Variants in CUL4A observed in about 807,000 individuals in gnomAD.
The protein encoded by CUL4A is cullin 4A, also known as cullin-4A.
In CUL4A, 16 loss-of-function variants were observed where a neutral mutation model predicts 95.5. That is an observed-to-expected ratio of 0.17 (90% CI 0.11 to 0.25). CUL4A has a LOEUF of 0.25. Among genes scored for constraint, CUL4A ranks in the 10% least tolerant of loss-of-function variants. The pLI, the probability that CUL4A is intolerant of heterozygous loss-of-function variation, is 1.00. For missense variants in CUL4A, 610 were observed against 937.0 expected (o/e 0.65, Z 4.56); for synonymous variants, 380 against 353.1 (o/e 1.08, Z -0.85).
intron 2 of CUL4A, among the ~76,000 whole-genome samples, chr13:113,212,251 A>G (rs187641358): frequency 7.4e-4 from 112 of 152,318 alleles, no homozygotes; most frequent in Non-Finnish European, 1.3e-3. Context: ...CTAGTCTTCA[A>G]CTTGTCTTTT....
rs770953960 is a variant in CUL4A at position 113,239,414 on chromosome 13, C to T, written c.917-19C>T. ...TGCTGCCCATGCTGTACTCTGCTGA[C>T]GTGTACTGCACATCTCAGGGCTCGA... On this transcript the variant is annotated intron_variant, in intron 9 of 19. Coordinates refer to ENST00000375440, the MANE Select transcript of CUL4A (RefSeq NM_001008895.4). 1.5e-5 allele frequency: 24 copies of T among 1,589,302 alleles called. No homozygotes were observed. Among genetic ancestry groups the T allele is most frequent in the Non-Finnish European group, 2.1e-5 (24 of 1,157,562 alleles).
At chr13:113,220,212 G>A (rs1287690409) in intron 3 of CUL4A, among the ~76,000 whole-genome samples, 1 of 152,232 alleles carries the variant, frequency 6.6e-6, no homozygotes, top group Admixed American at 6.5e-5. Context: ...GTTGAAGCAC[G>A]TGACAGGGAA....
At chr13:113,243,212 C>T in intron 11 of CUL4A, 52 bp downstream of exon 11, 1 of 1,501,580 alleles carries the variant, frequency 6.7e-7, no homozygotes, top group Non-Finnish European at 9.1e-7. Flanking sequence ...CAGTCTCACC[C>T]ATTTCTAGAC....
At chr13:113,213,736 A>T (rs1041443781) in intron 2 of CUL4A, among the ~76,000 whole-genome samples, 4 of 152,210 alleles carry the variant, frequency 2.6e-5, no homozygotes, top group African/African-American at 9.6e-5. Context: ...CCTGAGAACT[A>T]GGAGTGCTTA....
intron 4 of CUL4A, among the ~76,000 whole-genome samples, chr13:113,228,290 G>A (rs954514723): frequency 6.6e-6 from 1 of 152,186 alleles, no homozygotes; most frequent in African/African-American, 2.4e-5. Flanking sequence ...TTAGATGCCT[G>A]CATGGGTCTC....
intron 5 of CUL4A, among the ~76,000 whole-genome samples, chr13:113,232,567 A>G (rs528193420): frequency 1.3e-3 from 200 of 152,338 alleles, no homozygotes; most frequent in Non-Finnish European, 2.4e-3. Context: ...CACAGAGCCC[A>G]CAAGATGGGT....
At chr13:113,245,492 G>A (rs927853586) in intron 14 of CUL4A, among the ~76,000 whole-genome samples, 1 of 152,230 alleles carries the variant, frequency 6.6e-6, no homozygotes, top group African/African-American at 2.4e-5. Context: ...TGAGGCTGCA[G>A]TGAGCCGTGA....
chr13:113,257,003 C>T (rs1444196471), intron 18 of CUL4A, among the ~76,000 whole-genome samples: 3 of 131,288 alleles, frequency 2.3e-5, no homozygotes, highest in Admixed American at 9.1e-5. Context: ...TCGCTCACTG[C>T]AACCTCCGTC....
At chr13:113,226,221 T>C (rs2041099763) in intron 3 of CUL4A, among the ~76,000 whole-genome samples, 1 of 152,234 alleles carries the variant, frequency 6.6e-6, no homozygotes, top group South Asian at 2.1e-4. Context: ...TCCTCCTCTC[T>C]GTGTGTGAGG....
At chr13:113,245,123 G>A (rs772347121) in intron 13 of CUL4A, 29 bp from the exon 14 acceptor site, 13 of 1,613,086 alleles carry the variant, frequency 8.1e-6, no homozygotes, top group Middle Eastern at 1.6e-4. Context: ...GTGTTACCCC[G>A]ATCTCACTCC....
intron 15 of CUL4A, among the ~76,000 whole-genome samples, chr13:113,250,827 T>C (rs2041975793): frequency 6.6e-6 from 1 of 152,098 alleles, no homozygotes; most frequent in Admixed American, 6.6e-5. Flanking sequence ...ACAAATGAAA[T>C]GAAATCGATG....
At position 113,254,766 on chromosome 13, in the gene CUL4A, G is replaced by A; in HGVS notation, c.1826G>A (p.Ser609Asn). 3.7e-6 allele frequency: 6 copies of A among 1,613,856 alleles called. No individual in the cohort carries two copies. Among genetic ancestry groups the A allele is most frequent in the Non-Finnish European group, 5.1e-6 (6 of 1,179,946 alleles). ...LLMFNEGDGF[S>N]FEEIKMATGI... ...ATGTTCAACGAGGGAGATGGCTTCAGCTTTGAGGAGATAAAAATGGCCACG... is the reference window on the plus strand; with the variant it reads ...ATGTTCAACGAGGGAGATGGCTTCAACTTTGAGGAGATAAAAATGGCCACG... Residue 609 changes from serine (S) to asparagine (N), a missense_variant, in exon 17 of 20, where the codon AGC (serine) becomes AAC (asparagine). Coordinates refer to ENST00000375440, the MANE Select transcript of CUL4A (RefSeq NM_001008895.4).
At chr13:113,213,398 G>A (rs995726639) in intron 2 of CUL4A, among the ~76,000 whole-genome samples, 9 of 152,104 alleles carry the variant, frequency 5.9e-5, no homozygotes, top group South Asian at 2.1e-4. Flanking sequence ...TCAGTGCTTC[G>A]AAAACTGTTG....
upstream of CUL4A, among the ~76,000 whole-genome samples, chr13:113,209,250 G>A (rs1337212399): frequency 1.3e-5 from 2 of 148,156 alleles, no homozygotes; most frequent in Non-Finnish European, 3.0e-5. Flanking sequence ...GATCCCCTCA[G>A]GAGGGGTGCC....
intron 9 of CUL4A, 58 bp downstream of exon 9, chr13:113,236,948 A>G: frequency 8.4e-7 from 1 of 1,188,688 alleles, no homozygotes; most frequent in Non-Finnish European, 1.2e-6. Flanking sequence ...GTTCATTAGG[A>G]AAGTAAAGGG....
At position 113,209,645 on chromosome 13, in the gene CUL4A, G is replaced by A; in HGVS notation, c.18G>A (p.Pro6=). Residue 6 remains proline (P), a synonymous_variant, in exon 1 of 20, where the codon CCG becomes CCA. Transcript: ENST00000375440. MADEA[P]RKGSFSALVG... is the part of the protein sequence containing the mutation. ...GCCCAGCCATGGCGGACGAGGCCCCGCGGAAGGGCAGCTTCTCGGCGCTCG... is the reference window on the plus strand; with the variant it reads ...GCCCAGCCATGGCGGACGAGGCCCCACGGAAGGGCAGCTTCTCGGCGCTCG... 1 of 1,107,430 alleles carries A rather than the reference G, an allele frequency of 9.0e-7. No individual in the cohort carries two copies. The highest frequency in any genetic ancestry group is 1.1e-6 in the Non-Finnish European group (1 of 909,700). The allele number at this position is 1,107,430 out of a possible 1,614,324, so 68.6% of individuals were successfully genotyped here.
At chr13:113,237,046 C>T (rs535269343) in intron 9 of CUL4A, among the ~76,000 whole-genome samples, 156 bp downstream of exon 9, 41 of 151,874 alleles carry the variant, frequency 2.7e-4, no homozygotes, top group African/African-American at 8.9e-4. Flanking sequence ...TAGCCATCCA[C>T]GGGAGAAAAA....
At chr13:113,228,902 C>T (rs990605673) in intron 4 of CUL4A, among the ~76,000 whole-genome samples, 8 of 151,568 alleles carry the variant, frequency 5.3e-5, no homozygotes, top group Non-Finnish European at 8.8e-5. Flanking sequence ...GGGCGGATCA[C>T]GAGGTCAGGA....
intron 9 of CUL4A, among the ~76,000 whole-genome samples, chr13:113,238,984 A>G (rs931599483): frequency 1.3e-5 from 2 of 152,368 alleles, no homozygotes; most frequent in South Asian, 4.1e-4. Flanking sequence ...AAACACTTCA[A>G]AATATCCGAT....
Sources: allele counts gnomAD v4.1 joint callset (sites outside exome capture counted in the v4.1 genomes callset), GRCh38; gene constraint gnomAD v4.1.1; transcripts MANE v1.5; gene names NCBI Gene and HGNC (gene_info 2026-07-23, HGNC 2026-07-21).